SHANK1: variants seen among roughly 807,000 people sequenced by gnomAD.
The protein encoded by SHANK1 is SH3 and multiple ankyrin repeat domains 1.
A neutral mutation model predicts 165.6 loss-of-function variants in SHANK1; 35 were observed. That is an observed-to-expected ratio of 0.21 (90% CI 0.16 to 0.28). SHANK1 has a LOEUF of 0.28. Ranked by LOEUF, SHANK1 falls within the 10% of genes least tolerant of loss-of-function variation. The pLI, the probability that SHANK1 is intolerant of heterozygous loss-of-function variation, is 1.00. For synonymous variants in SHANK1, 1,428 were observed against 1,384.8 expected, an observed-to-expected ratio of 1.03 and a Z score of -0.69; for missense variants, 2,681 against 3,036.4, an observed-to-expected ratio of 0.88 and a Z score of 2.75.
rs900878838 is a variant in SHANK1 at position 50,707,151 on chromosome 19, G to A, written c.1078-2637C>T. On this transcript the variant is annotated intron_variant, in intron 8 of 23. Coordinates refer to ENST00000293441, the MANE Select transcript of SHANK1 (RefSeq NM_016148.5). Reference sequence around the variant, plus strand: ...AAGCCAATGTTAACTCATTTTCTTCGTAACCCCGTCTCACTGAAATTCCAT... The same window carrying A: ...AAGCCAATGTTAACTCATTTTCTTCATAACCCCGTCTCACTGAAATTCCAT... Among the ~76,000 whole-genome samples, 20 of 152,144 alleles carry A rather than the reference G, an allele frequency of 1.3e-4. 1 individual carries two copies. The highest frequency in any genetic ancestry group is 4.6e-4 in the African/African-American group (19 of 41,498).
Position 50,661,659 on chromosome 19 carries a change from T to A in SHANK1, c.*306A>T, listed in dbSNP as rs1208348937. The stretch of plus-strand genomic sequence containing the variant: ...GGCTGACCCTCTATGGCTCTGTCTA[T>A]CCCCTCCCCCCAGAATAGGCCCTTC... On this transcript the variant is annotated 3_prime_UTR_variant, in exon 24 of 24. Transcript: ENST00000293441. 6.6e-6 allele frequency among the ~76,000 whole-genome samples: 1 copy of A among 151,930 alleles called. No homozygotes were observed. The highest frequency in any genetic ancestry group is 1.5e-5 in the Non-Finnish European group (1 of 67,970).
chr19:50,694,044 C>CACAA (rs1255961628), intron 15 of SHANK1, among the ~76,000 whole-genome samples: 24 of 151,752 alleles, frequency 1.6e-4, no homozygotes, highest in African/African-American at 5.8e-4. Flanking sequence ...CACACACACA[C>CACAA]ACACACACAC....
chr19:50,713,547 G>A lies in SHANK1; in HGVS notation c.792+251C>T, dbSNP rs375003242. Among the ~76,000 whole-genome samples the A allele has an allele frequency of 4.9e-4, 75 of 152,216 alleles. No homozygotes were observed. Among genetic ancestry groups the A allele is most frequent in the African/African-American group, 1.7e-3 (72 of 41,514 alleles). Reference sequence around the variant, plus strand: ...AAGCTGGGCCACAGGGGATGGAGACGTTCTGGGTGTTTAGGGGAGGAGGCC... The same window carrying A: ...AAGCTGGGCCACAGGGGATGGAGACATTCTGGGTGTTTAGGGGAGGAGGCC... On this transcript the variant is annotated intron_variant, in intron 6 of 23. Coordinates refer to ENST00000293441, the MANE Select transcript of SHANK1 (RefSeq NM_016148.5). This position sits in a 1 kb window ranked among gnomAD's most constrained non-coding sequence, Gnocchi z 6.2.
chr19:50,715,577 G>A lies in SHANK1; in HGVS notation c.531+82C>T. The A allele has an allele frequency of 2.4e-6, 3 of 1,228,848 alleles. No individual in the cohort carries two copies. In the South Asian group the frequency reaches 3.6e-5, roughly 15 times the overall value. 76.1% of individuals were successfully genotyped at this position (1,228,848 alleles called of 1,614,324 possible). On this transcript the variant is annotated intron_variant, in intron 4 of 23. Coordinates refer to ENST00000293441, the MANE Select transcript of SHANK1 (RefSeq NM_016148.5). The stretch of plus-strand genomic sequence containing the variant: ...GGGGAATGTGGAGGTCTATTGGGAA[G>A]AGGTGGGGAGAGAAAGTGGTTGGGT...
intron 12 of SHANK1, among the ~76,000 whole-genome samples, chr19:50,700,669 C>T (rs771709060): frequency 6.6e-6 from 1 of 151,940 alleles, no homozygotes; most frequent in African/African-American, 2.4e-5. Context: ...TAATGGAAGA[C>T]GAGGATATAA....
intron 21 of SHANK1, among the ~76,000 whole-genome samples, chr19:50,676,430 A>G (rs1408324679): frequency 6.6e-6 from 1 of 152,200 alleles, no homozygotes; most frequent in Non-Finnish European, 1.5e-5. Context: ...CAGGTGGAAC[A>G]GCAGGTGCAA....
chr19:50,686,589 G>A lies in SHANK1; in HGVS notation c.2458+155C>T, dbSNP rs113792814. ...GGTGCGGGCAGGGAACGGGGCAGCC[G>A]TCGGGAGAGGGCGGGCGGAGGGAGG... On this transcript the variant is annotated intron_variant, in intron 20 of 23. Coordinates refer to ENST00000293441, the MANE Select transcript of SHANK1 (RefSeq NM_016148.5). This position sits in a 1 kb window ranked among gnomAD's most constrained non-coding sequence, Gnocchi z 5.7. Among the ~76,000 whole-genome samples, 1 of 151,982 alleles carries A rather than the reference G, an allele frequency of 6.6e-6. No homozygotes were observed. Among genetic ancestry groups the A allele is most frequent in the Middle Eastern group, 3.2e-3 (1 of 316 alleles).
intron 15 of SHANK1, among the ~76,000 whole-genome samples, chr19:50,694,021 A>C (rs1160561159): frequency 3.7e-5 from 1 of 26,910 alleles, no homozygotes; most frequent in African/African-American, 1.6e-4. Context: ...AGCACACACC[A>C]CACACACACA....
Position 50,661,881 on chromosome 19 carries a change from G to T in SHANK1, c.*84C>A. The T allele has an allele frequency of 6.8e-7, 1 of 1,468,270 alleles. No homozygotes were observed. 91.0% of individuals were successfully genotyped at this position (1,468,270 alleles called of 1,614,324 possible). On this transcript the variant is annotated 3_prime_UTR_variant, in exon 24 of 24. Coordinates refer to ENST00000293441, the MANE Select transcript of SHANK1 (RefSeq NM_016148.5). ...TTGAACAGAGTCCCTGGCCCGGGGA[G>T]AGAATGACAGTCAGGGGTCAGAGGT... is the stretch of plus-strand genomic sequence containing the variant.
chr19:50,717,195 C>T lies in SHANK1; in HGVS notation c.-43-233G>A, dbSNP rs1431783641. 6.6e-6 allele frequency among the ~76,000 whole-genome samples: 1 copy of T among 152,240 alleles called. No homozygotes were observed. Among genetic ancestry groups the T allele is most frequent in the Non-Finnish European group, 1.5e-5 (1 of 68,036 alleles). The stretch of plus-strand genomic sequence containing the variant: ...TCTGGCATGTGTCTCCTTCCCTGCC[C>T]TTGGCCCCGCTTGCAGCCCGCCCCC... On this transcript the variant is annotated intron_variant, in intron 1 of 23. Transcript: ENST00000293441. This position sits in a 1 kb window ranked among gnomAD's most constrained non-coding sequence, Gnocchi z 5.5.
chr19:50,689,301 T>TGGG, intron 15 of SHANK1, 22 bp from the exon 16 acceptor site: 1 of 756,200 alleles, frequency 1.3e-6, no homozygotes, highest in Non-Finnish European at 2.0e-6. Flanking sequence ...GCAGGAGAAA[T>TGGG]GGGGGGGTGG....
chr19:50,695,412 G>A (rs1986706541), intron 15 of SHANK1, among the ~76,000 whole-genome samples: 1 of 150,180 alleles, frequency 6.7e-6, no homozygotes, highest in Admixed American at 6.6e-5. Flanking sequence ...GCCGGGCAGG[G>A]GGGAGGGGGC....
In SHANK1 at chr19:50,661,828, G is replaced by C; in HGVS notation, c.*137C>G. ...GGATTGGGCCACCTGGTGACCTCTG[G>C]CCTTGGGAGATGAGGGCAGGGCGCA... On this transcript the variant is annotated 3_prime_UTR_variant, in exon 24 of 24. Coordinates refer to ENST00000293441, the MANE Select transcript of SHANK1 (RefSeq NM_016148.5). The C allele has an allele frequency of 1.0e-6, 1 of 958,998 alleles. No individual in the cohort carries two copies. The highest frequency in any genetic ancestry group is 2.1e-5 in the Admixed American group (1 of 47,704). 59.4% of individuals were successfully genotyped at this position (958,998 alleles called of 1,614,324 possible).
Position 50,718,618 on chromosome 19 carries a change from T to C in SHANK1, c.-44+788A>G, listed in dbSNP as rs1441714353. ...GCTGGTACCGAGACGGGCTGAGGAATCGGCGAGGGGGGTGGTGGAGGACGC... is the reference window on the plus strand; with the variant it reads ...GCTGGTACCGAGACGGGCTGAGGAACCGGCGAGGGGGGTGGTGGAGGACGC... On this transcript the variant is annotated intron_variant, in intron 1 of 23. Transcript: ENST00000293441. This position sits in a 1 kb window ranked among gnomAD's most constrained non-coding sequence, Gnocchi z 5.1. Among the ~76,000 whole-genome samples the C allele has an allele frequency of 2.0e-5, 3 of 150,266 alleles. No individual in the cohort carries two copies. Among genetic ancestry groups the C allele is most frequent in the Non-Finnish European group, 4.4e-5 (3 of 67,468 alleles).
chr19:50,693,298 T>C (rs1599858947), intron 15 of SHANK1, among the ~76,000 whole-genome samples: 3 of 83,042 alleles, frequency 3.6e-5, no homozygotes, highest in South Asian at 4.3e-4. Context: ...CCGCCACCCC[T>C]CCCCCACTTC....
intron 23 of SHANK1, 143 bp downstream of exon 23, chr19:50,666,048 AT>A: frequency 2.8e-6 from 2 of 720,772 alleles, no homozygotes; most frequent in Non-Finnish European, 4.2e-6. Flanking sequence ...GAAAAAGAAA[AT>A]ATTTGTGAAA....
intron 23 of SHANK1, among the ~76,000 whole-genome samples, chr19:50,664,584 A>C (rs1052728834): frequency 6.6e-6 from 1 of 152,334 alleles, no homozygotes; most frequent in Non-Finnish European, 1.5e-5. Flanking sequence ...TAGAAAGTGC[A>C]GGGTTGGGAC....
intron 3 of SHANK1, among the ~76,000 whole-genome samples, 184 bp from the exon 4 acceptor site, chr19:50,715,914 A>T (rs2089063884): frequency 6.6e-6 from 1 of 152,122 alleles, no homozygotes. Context: ...CTTTTCCGAC[A>T]GTGCTGGGTA....
intron 12 of SHANK1, among the ~76,000 whole-genome samples, chr19:50,701,365 G>C (rs1049562751): frequency 9.3e-6 from 1 of 107,098 alleles, no homozygotes; most frequent in Non-Finnish European, 2.0e-5. Flanking sequence ...TTTTTTTTTT[G>C]TATTTTTAGT....
Sources: allele counts gnomAD v4.1 joint callset (sites outside exome capture counted in the v4.1 genomes callset), GRCh38; gene constraint gnomAD v4.1.1; non-coding constraint Gnocchi (gnomAD v3.1); transcripts MANE v1.5; gene names NCBI Gene and HGNC (gene_info 2026-07-23, HGNC 2026-07-21).